DSCAML1: variants seen among roughly 807,000 people sequenced by gnomAD.
DSCAML1 encodes the protein DS cell adhesion molecule like 1, also known as cell adhesion molecule DSCAML1.
In DSCAML1, 38 loss-of-function variants were observed where a neutral mutation model predicts 200.5. That is an observed-to-expected ratio of 0.19 (90% CI 0.15 to 0.25). DSCAML1 has a LOEUF of 0.25. Ranked by LOEUF, DSCAML1 falls within the 10% of genes least tolerant of loss-of-function variation. The pLI is 1.00. For synonymous variants in DSCAML1, 1,215 were observed against 1,165.0 expected, an observed-to-expected ratio of 1.04 and a Z score of -0.87; for missense variants, 2,223 against 2,858.8, an observed-to-expected ratio of 0.78 and a Z score of 5.07.
chr11:117,759,907 A>T (rs78080546), intron 3 of DSCAML1, among the ~76,000 whole-genome samples: 7,339 of 152,190 alleles, frequency 0.048, 244 homozygotes, highest in Non-Finnish European at 0.072. Context: ...TTGTTATTTT[A>T]CAACAGTTGA....
At chr11:117,663,970 C>T (rs574668241) in intron 3 of DSCAML1, among the ~76,000 whole-genome samples, 5 of 152,186 alleles carry the variant, frequency 3.3e-5, no homozygotes, top group African/African-American at 9.7e-5. Context: ...ACAGCAAGGC[C>T]GGCTGCAAGG....
At chr11:117,773,729 C>T (rs1263596922) in intron 3 of DSCAML1, among the ~76,000 whole-genome samples, 1 of 152,188 alleles carries the variant, frequency 6.6e-6, no homozygotes, top group Non-Finnish European at 1.5e-5. Context: ...ACTCCACTCT[C>T]TCTGGCTCTC....
At chr11:117,618,636 T>G (rs1591328077) in intron 3 of DSCAML1, among the ~76,000 whole-genome samples, 1 of 152,128 alleles carries the variant, frequency 6.6e-6, no homozygotes, top group Non-Finnish European at 1.5e-5. Context: ...CCATGTGACT[T>G]TCATCATCTC....
At chr11:117,577,482 C>CTTCTTTCG (rs2050959443) in intron 3 of DSCAML1, among the ~76,000 whole-genome samples, 1 of 25,260 alleles carries the variant, frequency 4.0e-5, no homozygotes, top group Non-Finnish European at 1.0e-4. Context: ...TCCTTCCTTC[C>CTTCTTTCG]TTCCTTCCTT....
At chr11:117,550,779 A>C (rs1442888086) in intron 3 of DSCAML1, among the ~76,000 whole-genome samples, 1 of 152,222 alleles carries the variant, frequency 6.6e-6, no homozygotes, top group East Asian at 1.9e-4. Context: ...CACTCTCTGC[A>C]CAATCGATCA....
At position 117,550,420 on chromosome 11, in the gene DSCAML1, C is replaced by CCCCAGTGTCTGGCCTGAAAG. The variant is rs11275836; in HGVS notation, c.512-17918_512-17899dup. On this transcript the variant is annotated intron_variant, in intron 3 of 32. Coordinates refer to ENST00000651296, the MANE Select transcript of DSCAML1 (RefSeq NM_020693.4). ...GAGGCCTCAAATCCCACCTCCCTGG[C>CCCCAGTGTCTGGCCTGAAAG]CCCAGTGTCTGGCCTGAAAGCCCAG... 7.4e-4 allele frequency among the ~76,000 whole-genome samples: 113 copies of CCCCAGTGTCTGGCCTGAAAG among 152,088 alleles called. 1 individual carries two copies. Among genetic ancestry groups the CCCCAGTGTCTGGCCTGAAAG allele is most frequent in the African/African-American group, 2.4e-3 (101 of 41,478 alleles).
At chr11:117,747,255 C>A (rs1407558526) in intron 3 of DSCAML1, among the ~76,000 whole-genome samples, 2 of 152,230 alleles carry the variant, frequency 1.3e-5, no homozygotes, top group South Asian at 4.1e-4. Context: ...AAATCAAGCA[C>A]CGCAGATTTT....
intron 1 of DSCAML1, among the ~76,000 whole-genome samples, chr11:117,796,636 C>T (rs2055581790): frequency 6.6e-6 from 1 of 150,756 alleles, no homozygotes; most frequent in African/African-American, 2.5e-5. Flanking sequence ...AGCAAGGACT[C>T]CTAGGTCAAG....
intron 3 of DSCAML1, among the ~76,000 whole-genome samples, chr11:117,756,357 G>A (rs2137880533): frequency 6.6e-6 from 1 of 152,314 alleles, no homozygotes; most frequent in South Asian, 2.1e-4. Context: ...GGGAAAACCA[G>A]GAAGAAGGCT....
chr11:117,737,414 G>T, intron 3 of DSCAML1, among the ~76,000 whole-genome samples: 1 of 152,184 alleles, frequency 6.6e-6, no homozygotes, highest in South Asian at 2.1e-4. Flanking sequence ...ATGGGGGAAT[G>T]CCAGGTGCCG....
At chr11:117,622,787 C>T in intron 3 of DSCAML1, among the ~76,000 whole-genome samples, 1 of 152,168 alleles carries the variant, frequency 6.6e-6, no homozygotes, top group East Asian at 1.9e-4. Flanking sequence ...TTCTCCCCCA[C>T]CCTCAAGGCA....
chr11:117,523,673 C>G (rs977137514), intron 5 of DSCAML1, among the ~76,000 whole-genome samples: 1 of 152,212 alleles, frequency 6.6e-6, no homozygotes, highest in Non-Finnish European at 1.5e-5. Context: ...ACACTAGGCC[C>G]AGAAGTGGGC....
Position 117,454,601 on chromosome 11 carries a change from T to C in DSCAML1, c.3569-3913A>G, listed in dbSNP as rs149090886. On this transcript the variant is annotated intron_variant, in intron 19 of 32. Coordinates refer to ENST00000651296, the MANE Select transcript of DSCAML1 (RefSeq NM_020693.4). ...CAAGTTGGAAACCTTTGTGGGTCTG[T>C]TGCTCTTATCTGTCTTTTTTTCCCT... Among the ~76,000 whole-genome samples the C allele has an allele frequency of 4.4e-3, 666 of 152,386 alleles. 6 individuals are homozygous for C. Among genetic ancestry groups the C allele is most frequent in the African/African-American group, 0.014 (572 of 41,600 alleles).
chr11:117,532,485 G>A lies in DSCAML1; in HGVS notation c.549C>T (p.Tyr183=), dbSNP rs1006032704. 5 of 1,614,126 alleles carry A rather than the reference G, an allele frequency of 3.1e-6. No homozygotes were observed. Among genetic ancestry groups the A allele is most frequent in the Non-Finnish European group, 4.2e-6 (5 of 1,179,994 alleles). The change falls in exon 4 of 33, where the codon TAC becomes TAT. Residue 183 remains tyrosine, a synonymous_variant. Coordinates refer to ENST00000651296, the MANE Select transcript of DSCAML1 (RefSeq NM_020693.4). ...CGTCCTCCTTCTGTACGTCAGAGAT[G>A]TACAGCCCGCCGTGGTAGGTAATAA... ...RFFITYHGGL[Y]ISDVQKEDAL...
chr11:117,441,298 C>T (rs1317844170), intron 21 of DSCAML1, among the ~76,000 whole-genome samples: 1 of 152,222 alleles, frequency 6.6e-6, no homozygotes, highest in Non-Finnish European at 1.5e-5. Flanking sequence ...AGTGCAGCCA[C>T]AGCTGTAGCT....
chr11:117,724,222 A>G (rs1015659762), intron 3 of DSCAML1, among the ~76,000 whole-genome samples: 23 of 152,294 alleles, frequency 1.5e-4, no homozygotes, highest in African/African-American at 5.5e-4. Flanking sequence ...TGAGAATGTC[A>G]ATCACTCAGG....
At chr11:117,741,229 C>T (rs1432217399) in intron 3 of DSCAML1, among the ~76,000 whole-genome samples, 1 of 152,214 alleles carries the variant, frequency 6.6e-6, no homozygotes, top group South Asian at 2.1e-4. Context: ...AGGTGGGGCA[C>T]CTACTGATTC....
intron 5 of DSCAML1, 54 bp downstream of exon 5, chr11:117,524,751 C>T (rs2049943711): frequency 1.2e-5 from 18 of 1,535,044 alleles, no homozygotes; most frequent in Non-Finnish European, 1.5e-5. Context: ...TCCCCCGACC[C>T]CTGAGGCGCC....
chr11:117,583,714 C>T lies in DSCAML1; in HGVS notation c.512-51192G>A, dbSNP rs368970431. Among the ~76,000 whole-genome samples the T allele has an allele frequency of 1.1e-4, 16 of 152,340 alleles. No individual in the cohort carries two copies. In the East Asian group the frequency reaches 1.9e-3, roughly 18 times the overall value. On this transcript the variant is annotated intron_variant, in intron 3 of 32. Coordinates refer to ENST00000651296, the MANE Select transcript of DSCAML1 (RefSeq NM_020693.4). ...CCTGGAGAGAGCCTGGCTCCATCCCCGCCTAGCTTTGTGACCTGGGTCATT... is the reference window on the plus strand; with the variant it reads ...CCTGGAGAGAGCCTGGCTCCATCCCTGCCTAGCTTTGTGACCTGGGTCATT...
Sources: allele counts gnomAD v4.1 joint callset (sites outside exome capture counted in the v4.1 genomes callset), GRCh38; gene constraint gnomAD v4.1.1; transcripts MANE v1.5; gene names NCBI Gene and HGNC (gene_info 2026-07-23, HGNC 2026-07-21).